Variants in ZSCAN25 observed in about 807,000 individuals in gnomAD.
ZSCAN25 encodes zinc finger and SCAN domain-containing protein 25.
ZSCAN25 carries 27 observed loss-of-function variants against 38.7 expected under a neutral mutation model. The ratio of observed to expected loss-of-function variants is 0.70; its 90% CI spans 0.51 to 0.96. ZSCAN25 has a LOEUF of 0.96. ZSCAN25 is among the 40% of genes least tolerant of loss of function. The pLI is 0.00. For missense variants in ZSCAN25, 637 were observed against 705.9 expected, an observed-to-expected ratio of 0.90 and a Z score of 1.11; for synonymous variants, 273 against 277.7, an observed-to-expected ratio of 0.98 and a Z score of 0.17.
the ZSCAN25 span, chr7:99,714,440 C>A: frequency 1.3e-6 from 2 of 1,483,188 alleles, no homozygotes; most frequent in Non-Finnish European, 1.8e-6. Flanking sequence ...AACATAAGTA[C>A]TCTTTATGTT....
rs914914220 is a variant in ZSCAN25, at chr7:99,631,022, C to T, written c.*1002C>T. ...TATTGAGGCCCTGTAACAAACATGTCAGGAACTCTTCTGGGTGCTTGAGAC... is the reference window on the plus strand; with the variant it reads ...TATTGAGGCCCTGTAACAAACATGTTAGGAACTCTTCTGGGTGCTTGAGAC... On this transcript the variant is annotated 3_prime_UTR_variant, in exon 8 of 8. Coordinates refer to ENST00000394152, the MANE Select transcript of ZSCAN25 (RefSeq NM_145115.3). 1 of 960,708 alleles carries T rather than the reference C, an allele frequency of 1.0e-6. No homozygotes were observed. The highest frequency in any genetic ancestry group is 1.2e-4 in the East Asian group (1 of 8,684). The allele number at this position is 960,708 out of a possible 1,614,324, so 59.5% of individuals were successfully genotyped here.
At chr7:99,713,962 T>G in the ZSCAN25 span, among the ~76,000 whole-genome samples, 4 of 152,168 alleles carry the variant, frequency 2.6e-5, no homozygotes, top group African/African-American at 9.7e-5. Flanking sequence ...TACCCCTTCT[T>G]GCCCCCCTGA....
At chr7:99,716,726 G>A in the ZSCAN25 span, among the ~76,000 whole-genome samples, 4 of 152,070 alleles carry the variant, frequency 2.6e-5, no homozygotes, top group Admixed American at 2.6e-4. Flanking sequence ...TTAATATTTA[G>A]TATTCTACTG....
the ZSCAN25 span, among the ~76,000 whole-genome samples, chr7:99,681,717 C>G: frequency 1.3e-5 from 2 of 152,180 alleles, no homozygotes; most frequent in African/African-American, 4.8e-5. Context: ...AATCTGTTGT[C>G]AGAGTGTGAC....
chr7:99,737,794 A>C, the ZSCAN25 span, among the ~76,000 whole-genome samples: 1 of 152,208 alleles, frequency 6.6e-6, no homozygotes, highest in Non-Finnish European at 1.5e-5. Context: ...TTGGAATTCA[A>C]ATGCAGCCAG....
chr7:99,686,207 C>T, the ZSCAN25 span, among the ~76,000 whole-genome samples: 2 of 152,336 alleles, frequency 1.3e-5, no homozygotes, highest in East Asian at 3.9e-4. Flanking sequence ...CAGGGCGAGG[C>T]ATTGCCTCAC....
chr7:99,723,864 A>G, the ZSCAN25 span, among the ~76,000 whole-genome samples: 1 of 152,324 alleles, frequency 6.6e-6, no homozygotes, highest in African/African-American at 2.4e-5. Flanking sequence ...GGTGCCAGTC[A>G]TGGACTCGGG....
At chr7:99,625,135 C>T (rs906213092) in intron 7 of ZSCAN25, among the ~76,000 whole-genome samples, 11 of 152,146 alleles carry the variant, frequency 7.2e-5, no homozygotes, top group Admixed American at 6.5e-4. Context: ...TGACCTTGAG[C>T]ATCTCCCTTG....
the ZSCAN25 span, chr7:99,652,156 A>AATATATACATATATATATATTTAT: frequency 4.7e-5 from 7 of 149,336 alleles, no homozygotes; most frequent in African/African-American, 1.7e-4. Context: ...TGGCATATGC[A>AATATATACATATATATATATTTAT]ATATATACAT....
the ZSCAN25 span, among the ~76,000 whole-genome samples, chr7:99,693,715 C>T: frequency 9.9e-5 from 15 of 152,218 alleles, no homozygotes; most frequent in Admixed American, 2.0e-4. Flanking sequence ...ACCTGCCGAT[C>T]GAGGCACGGG....
the ZSCAN25 span, among the ~76,000 whole-genome samples, chr7:99,639,000 C>T: frequency 2.6e-5 from 4 of 152,236 alleles, no homozygotes; most frequent in Non-Finnish European, 2.9e-5. Context: ...TGGGAGCCGC[C>T]GTCCTGCTGA....
At chr7:99,650,175 TC>T in the ZSCAN25 span, 1 of 1,614,122 alleles carries the variant, frequency 6.2e-7, no homozygotes, top group Non-Finnish European at 8.5e-7. Context: ...AGTTTCTGGG[TC>T]CAGTTCCAAA....
the ZSCAN25 span, among the ~76,000 whole-genome samples, chr7:99,667,823 A>G: frequency 7.9e-5 from 12 of 152,238 alleles, no homozygotes; most frequent in Admixed American, 7.2e-4. Context: ...TAAAAAAATC[A>G]TTCAGTTAAA....
chr7:99,722,169 C>T, the ZSCAN25 span: 1 of 1,175,666 alleles, frequency 8.5e-7, no homozygotes, highest in East Asian at 2.4e-5. Context: ...CAGAAAACCT[C>T]TCTGTTTGTA....
chr7:99,658,198 A>G, the ZSCAN25 span, among the ~76,000 whole-genome samples: 4 of 152,122 alleles, frequency 2.6e-5, no homozygotes, highest in Non-Finnish European at 4.4e-5. Context: ...ACAATTTGGC[A>G]TGTTTTTGCA....
chr7:99,731,733 C>T, the ZSCAN25 span, among the ~76,000 whole-genome samples: 24 of 152,304 alleles, frequency 1.6e-4, no homozygotes, highest in African/African-American at 5.1e-4. Context: ...CTGTCATTCA[C>T]AGAGAGGTCT....
chr7:99,687,241 T>G, the ZSCAN25 span, among the ~76,000 whole-genome samples: 1 of 152,312 alleles, frequency 6.6e-6, no homozygotes, highest in East Asian at 1.9e-4. Context: ...CAGGAGGAAC[T>G]TCAAACCAAT....
chr7:99,687,340 G>A, the ZSCAN25 span, among the ~76,000 whole-genome samples: 1,613 of 152,332 alleles, frequency 0.011, 21 homozygotes, highest in African/African-American at 0.037. Context: ...AGCTGATGGA[G>A]CTGAAGGCCA....
chr7:99,662,804 C>T, the ZSCAN25 span: 6 of 1,612,978 alleles, frequency 3.7e-6, no homozygotes, highest in Non-Finnish European at 4.2e-6. The surrounding 1 kb of genome is among the most constrained non-coding windows in gnomAD (Gnocchi z 4.3). Flanking sequence ...CTCAGAAGCA[C>T]TCCTTGGTTA....
Sources: gnomAD v4.1 joint callset for allele counts (sites outside exome capture counted in the v4.1 genomes callset) on GRCh38, gnomAD v4.1.1 for gene constraint, Gnocchi (gnomAD v3.1) non-coding constraint, MANE v1.5 for transcripts, NCBI Gene and HGNC (gene_info 2026-07-23, HGNC 2026-07-21) for gene names.